PDE6D: variants seen among roughly 807,000 people sequenced by gnomAD.
PDE6D encodes retinal rod rhodopsin-sensitive cGMP 3',5'-cyclic phosphodiesterase subunit delta.
Under a neutral mutation model 21.9 loss-of-function variants are expected in PDE6D, and 10 were observed. The observed-to-expected ratio is 0.46, with a 90% CI of 0.28 to 0.78. The LOEUF (loss-of-function observed/expected upper bound fraction) is 0.78, where lower values mean the gene tolerates loss of function less well. Ranked by LOEUF, PDE6D falls within the 30% of genes least tolerant of loss-of-function variation. The probability of loss-of-function intolerance (pLI) is 0.12; values close to 1 mark genes in which losing one functional copy is unlikely to be tolerated. For synonymous variants in PDE6D, 59 were observed against 63.5 expected, an observed-to-expected ratio of 0.93 and a Z score of 0.34; for missense variants, 139 against 184.8, an observed-to-expected ratio of 0.75 and a Z score of 1.44.
intron 1 of PDE6D, among the ~76,000 whole-genome samples, chr2:231,767,657 C>A (rs183041448): frequency 6.6e-6 from 1 of 152,206 alleles, no homozygotes; most frequent in Admixed American, 6.5e-5. Context: ...TGTACAAAGT[C>A]AGCTTAAATA....
intron 1 of PDE6D, among the ~76,000 whole-genome samples, chr2:231,774,866 C>G (rs2049042219): frequency 6.6e-6 from 1 of 151,786 alleles, no homozygotes. Context: ...GCTGGCATTA[C>G]AGGCATGAGC....
chr2:231,744,520 G>A (rs560574971), intron 1 of PDE6D, among the ~76,000 whole-genome samples: 9 of 147,490 alleles, frequency 6.1e-5, no homozygotes, highest in African/African-American at 2.0e-4. Context: ...CACAACCTCC[G>A]CCTCCCGGGT....
chr2:231,749,676 C>G (rs1371452626), intron 1 of PDE6D, among the ~76,000 whole-genome samples: 1 of 151,966 alleles, frequency 6.6e-6, no homozygotes, highest in Admixed American at 6.6e-5. Flanking sequence ...AGATTACAGG[C>G]ACTTGCCACC....
intron 1 of PDE6D, among the ~76,000 whole-genome samples, chr2:231,753,319 C>G (rs1014068710): frequency 9.9e-5 from 15 of 150,918 alleles, no homozygotes; most frequent in Non-Finnish European, 1.9e-4. Flanking sequence ...GTCAGGAGAT[C>G]AAGACCATCC....
intron 1 of PDE6D, among the ~76,000 whole-genome samples, chr2:231,776,953 A>G (rs1290720281): frequency 6.6e-6 from 1 of 152,242 alleles, no homozygotes; most frequent in African/African-American, 2.4e-5. Flanking sequence ...GAGGTAGTAT[A>G]GCGCCACAGT....
chr2:231,776,321 CAAAAAAAAAAAAAA>C (rs1008155828), intron 1 of PDE6D, among the ~76,000 whole-genome samples: 1 of 54,052 alleles, frequency 1.9e-5, no homozygotes, highest in Admixed American at 2.0e-4. Context: ...GACTCCGTCT[CAAAAAAAAAAAAAA>C]AAAAAAAAGA....
In PDE6D at chr2:231,739,339, GGA is replaced by G. The variant is rs777007463; in HGVS notation, c.51-153_51-152del. ...GCCATGGAAGCACATAAGAATGTGAGGAGAGTCAAAAAGACATCTAAAGGAAG... is the reference window on the plus strand; with the variant it reads ...GCCATGGAAGCACATAAGAATGTGAGGAGTCAAAAAGACATCTAAAGGAAG... On this transcript the variant is annotated intron_variant, in intron 1 of 4. Coordinates refer to ENST00000287600, the MANE Select transcript of PDE6D (RefSeq NM_002601.4). This position sits in a 1 kb window ranked among gnomAD's most constrained non-coding sequence, Gnocchi z 4.2. 1.3e-6 allele frequency: 1 copy of G among 746,986 alleles called. No individual in the cohort carries two copies. Among genetic ancestry groups the G allele is most frequent in the Non-Finnish European group, 2.5e-6 (1 of 405,844 alleles). The allele number at this position is 746,986 out of a possible 1,614,324, so 46.3% of individuals were successfully genotyped here.
chr2:231,758,260 G>C (rs2048898930), intron 1 of PDE6D, among the ~76,000 whole-genome samples: 1 of 151,774 alleles, frequency 6.6e-6, no homozygotes, highest in African/African-American at 2.4e-5. Context: ...TCCTGGCTTG[G>C]ACTCCTGAGT....
At chr2:231,760,018 C>T (rs1049309443) in intron 1 of PDE6D, among the ~76,000 whole-genome samples, 2 of 152,172 alleles carry the variant, frequency 1.3e-5, no homozygotes, top group Non-Finnish European at 2.9e-5. Flanking sequence ...TCATAAGTCA[C>T]TACCAGACTT....
At chr2:231,775,607 GC>G (rs1219106079) in intron 1 of PDE6D, among the ~76,000 whole-genome samples, 7 of 151,582 alleles carry the variant, frequency 4.6e-5, no homozygotes, top group African/African-American at 1.7e-4. Context: ...ACAGGCATGA[GC>G]CCCTGCACCC....
chr2:231,750,398 T>C (rs2106270278), intron 1 of PDE6D, among the ~76,000 whole-genome samples: 1 of 152,168 alleles, frequency 6.6e-6, no homozygotes. Context: ...AGGGGGACAA[T>C]ATCTTTAAAT....
intron 1 of PDE6D, among the ~76,000 whole-genome samples, chr2:231,766,958 C>G (rs2048975502): frequency 7.0e-6 from 1 of 142,466 alleles, no homozygotes; most frequent in African/African-American, 2.6e-5. Flanking sequence ...CACGCCACTG[C>G]ACTCCAGCCT....
chr2:231,732,736 G>C lies in PDE6D; in HGVS notation c.*216C>G. On this transcript the variant is annotated 3_prime_UTR_variant, in exon 5 of 5. Transcript: ENST00000287600. ...TGTCCCCTGCCCTGGTCTGGGGTTG[G>C]GAGTTTAGTCTGGTCAGCTGGAAGA... 1 of 509,224 alleles carries C rather than the reference G, an allele frequency of 2.0e-6. No individual in the cohort carries two copies. Among genetic ancestry groups the C allele is most frequent in the East Asian group, 3.4e-5 (1 of 29,634 alleles). The allele number at this position is 509,224 out of a possible 1,614,324, so 31.5% of individuals were successfully genotyped here.
intron 4 of PDE6D, among the ~76,000 whole-genome samples, chr2:231,736,174 T>A (rs535057709): frequency 9.9e-5 from 15 of 152,090 alleles, no homozygotes; most frequent in Admixed American, 8.5e-4. Flanking sequence ...CCCTGTTTTT[T>A]AAAAAAATAA....
At chr2:231,734,755 G>A (rs2048682709) in intron 4 of PDE6D, among the ~76,000 whole-genome samples, 2 of 150,588 alleles carry the variant, frequency 1.3e-5, no homozygotes. Flanking sequence ...GCTGAGGCAG[G>A]AGAATGGCGT....
chr2:231,743,744 A>G (rs2048770055), intron 1 of PDE6D, among the ~76,000 whole-genome samples: 1 of 152,136 alleles, frequency 6.6e-6, no homozygotes, highest in Non-Finnish European at 1.5e-5. Flanking sequence ...TAAATTCAAA[A>G]GCAAGTTCAC....
Position 231,739,088 on chromosome 2 carries a change from G to A in PDE6D, c.139+12C>T, listed in dbSNP as rs749174115. ...GGTCACAGCCCTGTGTAGATAAAGG[G>A]TTGGAAAGTACCTTCATGCTCCACA... On this transcript the variant is annotated intron_variant, in intron 2 of 4. Transcript: ENST00000287600. The surrounding 1 kb of genome is among the most constrained non-coding windows in gnomAD (Gnocchi z 4.2). The A allele has an allele frequency of 6.3e-7, 1 of 1,575,160 alleles. No homozygotes were observed. Among genetic ancestry groups the A allele is most frequent in the East Asian group, 2.2e-5 (1 of 44,576 alleles).
chr2:231,772,659 T>C (rs951818219), intron 1 of PDE6D, among the ~76,000 whole-genome samples: 2 of 152,156 alleles, frequency 1.3e-5, no homozygotes, highest in Admixed American at 1.3e-4. Flanking sequence ...TGCTGACAAG[T>C]GAGGCCTGGG....
chr2:231,740,808 G>A (rs1217271784), intron 1 of PDE6D, among the ~76,000 whole-genome samples: 2 of 151,782 alleles, frequency 1.3e-5, no homozygotes, highest in Non-Finnish European at 2.9e-5. Flanking sequence ...CAGAGGGGAG[G>A]ATGGCATCAA....
Sources: gnomAD v4.1 joint callset for allele counts (sites outside exome capture counted in the v4.1 genomes callset) on GRCh38, gnomAD v4.1.1 for gene constraint, Gnocchi (gnomAD v3.1) non-coding constraint, MANE v1.5 for transcripts, NCBI Gene and HGNC (gene_info 2026-07-23, HGNC 2026-07-21) for gene names.